The following RERE variants were observed in gnomAD, a reference collection of about 807,000 sequenced individuals.
RERE encodes the protein arginine-glutamic acid dipeptide repeats protein.
RERE carries 40 observed loss-of-function variants against 146.1 expected under a neutral mutation model. That is an observed-to-expected ratio of 0.27 (90% CI 0.21 to 0.36). The LOEUF is 0.36. RERE is among the 10% of genes least tolerant of loss of function. The pLI, the probability that RERE is intolerant of heterozygous loss-of-function variation, is 1.00. For synonymous variants in RERE, 1,003 were observed against 866.0 expected (o/e 1.16, Z -2.78); for missense variants, 1,933 against 2,138.7 (o/e 0.90, Z 1.90).
In RERE at chr1:8,597,841, G is replaced by A. The variant is rs186105438; in HGVS notation, c.522+16720C>T. On this transcript the variant is annotated intron_variant, in intron 4 of 22. Transcript: ENST00000400908. ...CAGTTTTCCCGTCCATCTTCCAGAAGAACTCACTACTCAACCAACTGCCTG... is the reference window on the plus strand; with the variant it reads ...CAGTTTTCCCGTCCATCTTCCAGAAAAACTCACTACTCAACCAACTGCCTG... Among the ~76,000 whole-genome samples the A allele has an allele frequency of 2.2e-3, 337 of 151,674 alleles. 1 individual carries two copies. The highest frequency in any genetic ancestry group is 8.0e-3 in the African/African-American group (330 of 41,324).
At chr1:8,530,080 T>C (rs1645623046) in intron 7 of RERE, among the ~76,000 whole-genome samples, 1 of 152,158 alleles carries the variant, frequency 6.6e-6, no homozygotes. Context: ...GGGATGTACA[T>C]ACAATCTGCA....
chr1:8,747,998 G>A (rs763789025), intron 1 of RERE, among the ~76,000 whole-genome samples: 92 of 152,028 alleles, frequency 6.1e-4, no homozygotes, highest in Non-Finnish European at 1.2e-3. Flanking sequence ...GCCTGGTCTC[G>A]AACTCCTGAC....
At chr1:8,559,693 T>C (rs553274773) in intron 4 of RERE, among the ~76,000 whole-genome samples, 17 of 152,276 alleles carry the variant, frequency 1.1e-4, no homozygotes, top group African/African-American at 3.9e-4. Flanking sequence ...AATTTTTTCA[T>C]TGAAATAAAG....
chr1:8,804,710 A>G (rs1291740260), intron 1 of RERE, among the ~76,000 whole-genome samples: 1 of 152,044 alleles, frequency 6.6e-6, no homozygotes, highest in Non-Finnish European at 1.5e-5. Flanking sequence ...CCTGCTGGTG[A>G]GAATGCAGAA....
chr1:8,434,913 C>G (rs1644147590), intron 11 of RERE: 1 of 152,254 alleles, frequency 6.6e-6, no homozygotes, highest in African/African-American at 2.4e-5. Context: ...TATCACTTGA[C>G]TGCAACCTCG....
At chr1:8,390,947 CA>C (rs2124425276) in intron 12 of RERE, among the ~76,000 whole-genome samples, 1 of 152,040 alleles carries the variant, frequency 6.6e-6, no homozygotes, top group Non-Finnish European at 1.5e-5. Context: ...AAAAACAAAA[CA>C]AAACAAAAAA....
intron 12 of RERE, among the ~76,000 whole-genome samples, chr1:8,379,365 G>A (rs1642367184): frequency 6.6e-6 from 1 of 152,012 alleles, no homozygotes; most frequent in East Asian, 1.9e-4. Context: ...TTCACAGACA[G>A]ACAAATGTGT....
At chr1:8,640,590 A>G (rs553420695) in intron 2 of RERE, among the ~76,000 whole-genome samples, 2 of 152,338 alleles carry the variant, frequency 1.3e-5, no homozygotes, top group East Asian at 3.9e-4. Flanking sequence ...CATATGTAAC[A>G]TATACTATGA....
At chr1:8,440,006 A>G (rs770838122) in intron 11 of RERE, among the ~76,000 whole-genome samples, 7 of 152,086 alleles carry the variant, frequency 4.6e-5, no homozygotes, top group Non-Finnish European at 7.4e-5. Context: ...CCCGGGAGGC[A>G]GAGGTTGCAG....
chr1:8,435,470 T>C (rs1016289968), intron 11 of RERE, among the ~76,000 whole-genome samples: 2 of 152,212 alleles, frequency 1.3e-5, no homozygotes, highest in Non-Finnish European at 2.9e-5. Flanking sequence ...CGTCTCTTAA[T>C]ATATATTCAC....
chr1:8,540,000 T>C (rs1362201427), intron 7 of RERE, among the ~76,000 whole-genome samples: 2 of 152,222 alleles, frequency 1.3e-5, no homozygotes, highest in African/African-American at 2.4e-5. Context: ...AAAAATGTTC[T>C]CAATAAAATG....
intron 1 of RERE, among the ~76,000 whole-genome samples, chr1:8,755,714 G>C (rs539576733): frequency 6.6e-6 from 1 of 152,060 alleles, no homozygotes; most frequent in Non-Finnish European, 1.5e-5. Flanking sequence ...CAAGCAAATC[G>C]GCAAAAACAA....
intron 12 of RERE, among the ~76,000 whole-genome samples, 163 bp from the exon 13 acceptor site, chr1:8,366,137 G>T (rs532563418): frequency 1.8e-4 from 27 of 152,286 alleles, no homozygotes; most frequent in Admixed American, 1.5e-3. Flanking sequence ...GCTTGCCCAA[G>T]AAACAGCCAC....
intron 1 of RERE, among the ~76,000 whole-genome samples, chr1:8,784,823 T>C (rs912735634): frequency 1.9e-4 from 29 of 152,294 alleles, no homozygotes; most frequent in African/African-American, 6.7e-4. Flanking sequence ...AACCAAATTT[T>C]GCTAAAGAAA....
At chr1:8,746,154 A>C (rs960997877) in intron 1 of RERE, among the ~76,000 whole-genome samples, 3 of 152,196 alleles carry the variant, frequency 2.0e-5, no homozygotes, top group African/African-American at 7.2e-5. Flanking sequence ...TCACAATCAG[A>C]ATTATTTGTT....
At chr1:8,783,661 T>A (rs1401935706) in intron 1 of RERE, among the ~76,000 whole-genome samples, 5 of 152,080 alleles carry the variant, frequency 3.3e-5, no homozygotes, top group African/African-American at 1.2e-4. Flanking sequence ...TTAAATTTTT[T>A]AAAAAAAGAA....
chr1:8,409,248 A>G (rs1193837475), intron 12 of RERE, among the ~76,000 whole-genome samples: 1 of 152,210 alleles, frequency 6.6e-6, no homozygotes, highest in East Asian at 1.9e-4. Context: ...TTTAGCCCCG[A>G]CAATGGTTGT....
rs571395452 is a variant in RERE, at chr1:8,646,969, T to C, written c.325+9004A>G. On this transcript the variant is annotated intron_variant, in intron 2 of 22. Transcript: ENST00000400908. ...AACCTTGTCTCTACAAAAAATACAATTAGCCAGGCATGGTAATGCATGCCT... is the reference window on the plus strand; with the variant it reads ...AACCTTGTCTCTACAAAAAATACAACTAGCCAGGCATGGTAATGCATGCCT... Among the ~76,000 whole-genome samples, 3 of 152,184 alleles carry C rather than the reference T, an allele frequency of 2.0e-5. No homozygotes were observed. The South Asian group carries it at 6.2e-4, about 32-fold the overall frequency.
At chr1:8,460,013 A>G (rs1159498146) in intron 11 of RERE, among the ~76,000 whole-genome samples, 4 of 152,184 alleles carry the variant, frequency 2.6e-5, no homozygotes, top group Non-Finnish European at 4.4e-5. Context: ...CCACGTAACC[A>G]TAACTACAAG....
Sources: allele counts gnomAD v4.1 joint callset (sites outside exome capture counted in the v4.1 genomes callset), GRCh38; gene constraint gnomAD v4.1.1; transcripts MANE v1.5; gene names NCBI Gene and HGNC (gene_info 2026-07-23, HGNC 2026-07-21).